The following TP53RK variants were observed in gnomAD, a reference collection of about 807,000 sequenced individuals.
The protein encoded by TP53RK is EKC/KEOPS complex subunit TP53RK.
Under a neutral mutation model 14.9 loss-of-function variants are expected in TP53RK, and 17 were observed. The observed-to-expected ratio is 1.14, with a 90% confidence interval of 0.78 to 1.71. TP53RK has a LOEUF of 1.71. TP53RK is among the 40% of genes most tolerant of loss of function. The pLI, the probability that TP53RK is intolerant of heterozygous loss-of-function variation, is 0.00. For missense variants in TP53RK, 343 were observed against 332.0 expected, an observed-to-expected ratio of 1.03 and a Z score of -0.26; for synonymous variants, 131 against 138.0, an observed-to-expected ratio of 0.95 and a Z score of 0.36.
chr20:46,686,947 A>C lies in TP53RK; in HGVS notation c.568T>G (p.Ser190Ala). 6.2e-7 allele frequency: 1 copy of C among 1,614,162 alleles called. No individual in the cohort carries two copies. Among genetic ancestry groups the C allele is most frequent in the South Asian group, 1.1e-5 (1 of 91,070 alleles). ...VLIDFGLSFISALPEDKGVDL... is the reference protein window; with the variant it reads ...VLIDFGLSFIAALPEDKGVDL... ...ACTCCCTTATCCTCTGGAAGTGCTG[A>C]AATGAAACTCAGCCCAAAGTCTATG... Residue 190 changes from serine to alanine, a missense_variant, in exon 2 of 2, where the codon TCA becomes GCA. By Grantham distance (99) the Ser-to-Ala change is moderately conservative. Coordinates refer to ENST00000372114, the MANE Select transcript of TP53RK (RefSeq NM_033550.4).
At chr20:46,687,812 A>G in intron 1 of TP53RK, among the ~76,000 whole-genome samples, 1 of 152,210 alleles carries the variant, frequency 6.6e-6, no homozygotes, top group Non-Finnish European at 1.5e-5. Flanking sequence ...AAACAAAAAC[A>G]AAGAGCAAGG....
intron 1 of TP53RK, 95 bp downstream of exon 1, chr20:46,689,037 G>A (rs193163921): frequency 0.023 from 28,467 of 1,258,424 alleles, 436 homozygotes; most frequent in Non-Finnish European, 0.026. Flanking sequence ...AGGAGAAACT[G>A]AGGGAAATCC....
At chr20:46,687,276 C>A (rs372359878) in intron 1 of TP53RK, 45 bp from the exon 2 acceptor site, 2 of 1,477,678 alleles carry the variant, frequency 1.4e-6, no homozygotes, top group South Asian at 1.3e-5. Flanking sequence ...TTTTTTTTAA[C>A]GGGTAAACTT....
chr20:46,684,536 C>T lies in TP53RK; in HGVS notation c.*2217G>A, dbSNP rs142969650. 6.6e-6 allele frequency: 1 copy of T among 152,166 alleles called. No homozygotes were observed. The highest frequency in any genetic ancestry group is 1.5e-5 in the Non-Finnish European group (1 of 68,036). The allele number at this position is 152,166 out of a possible 1,614,324, so 9.4% of individuals were successfully genotyped here. On this transcript the variant is annotated 3_prime_UTR_variant, in exon 2 of 2. Transcript: ENST00000372114. ...ATAAAACCATCAGATCTCGTGAGAA[C>T]TCACTCGCTATCACGAGAACAGCAC...
intron 1 of TP53RK, 88 bp from the exon 2 acceptor site, chr20:46,687,319 A>T: frequency 9.0e-7 from 1 of 1,107,082 alleles, no homozygotes; most frequent in East Asian, 2.4e-5. Context: ...TTTTCCATCT[A>T]TATCTACTTA....
In TP53RK at chr20:46,689,389, G is replaced by T; in HGVS notation, c.26C>A (p.Pro9Gln). 1 of 1,569,002 alleles carries T rather than the reference G, an allele frequency of 6.4e-7. No homozygotes were observed. The highest frequency in any genetic ancestry group is 8.6e-7 in the Non-Finnish European group (1 of 1,168,380). The change falls in exon 1 of 2, where the codon CCG becomes CAG. Residue 9 changes from proline (P) to glutamine (Q), a missense_variant. By Grantham distance (76) the Pro-to-Gln change is moderately conservative. Transcript: ENST00000372114. ...CGGGGCGGGCTCCTCGCCATCGGCCGGCGTAGTAGCTCTGGCCGCCGCCAT... is the reference window on the plus strand; with the variant it reads ...CGGGGCGGGCTCCTCGCCATCGGCCTGCGTAGTAGCTCTGGCCGCCGCCAT... Reference protein sequence around the residue: MAAARATTPADGEEPAPEA... With the variant: MAAARATTQADGEEPAPEA...
chr20:46,689,113 G>A lies in TP53RK; in HGVS notation c.283+19C>T, dbSNP rs1322176168. On this transcript the variant is annotated intron_variant, in intron 1 of 1. Transcript: ENST00000372114. ...CAGAGCCTCGGGGCCGCCCACGCCG[G>A]GATCCCGGCCCACCTTACCAGCGCG... 6 of 1,364,828 alleles carry A rather than the reference G, an allele frequency of 4.4e-6. No individual in the cohort carries two copies. Among genetic ancestry groups the A allele is most frequent in the Non-Finnish European group, 5.6e-6 (6 of 1,065,352 alleles). The allele number at this position is 1,364,828 out of a possible 1,614,324, so 84.5% of individuals were successfully genotyped here. A position where few individuals can be genotyped will look rare whatever the true frequency, so the allele number is the denominator to read the frequency against.
rs1183115184 is a variant in TP53RK at position 46,684,585 on chromosome 20, A to C, written c.*2168T>G. Reference sequence around the variant, plus strand: ...ACGGAGGTAGCCGCCCCGAGGATTAAATTACCTCCCACTGGGTCCCTCCCA... The same window carrying C: ...ACGGAGGTAGCCGCCCCGAGGATTACATTACCTCCCACTGGGTCCCTCCCA... On this transcript the variant is annotated 3_prime_UTR_variant, in exon 2 of 2. Coordinates refer to ENST00000372114, the MANE Select transcript of TP53RK (RefSeq NM_033550.4). 1 of 152,130 alleles carries C rather than the reference A, an allele frequency of 6.6e-6. No individual in the cohort carries two copies. Among genetic ancestry groups the C allele is most frequent in the Non-Finnish European group, 1.5e-5 (1 of 68,032 alleles). 9.4% of individuals were successfully genotyped at this position (152,130 alleles called of 1,614,324 possible).
intron 1 of TP53RK, among the ~76,000 whole-genome samples, chr20:46,687,465 C>T (rs538766145): frequency 3.2e-4 from 49 of 152,144 alleles, no homozygotes; most frequent in Non-Finnish European, 5.9e-4. Flanking sequence ...GCTTCCTCCT[C>T]CCTTCCAAAC....
At chr20:46,688,150 A>C (rs1443842191) in intron 1 of TP53RK, among the ~76,000 whole-genome samples, 1 of 152,242 alleles carries the variant, frequency 6.6e-6, no homozygotes, top group Non-Finnish European at 1.5e-5. Context: ...TCTCTGCTTA[A>C]CGAAACAGAT....
intron 1 of TP53RK, among the ~76,000 whole-genome samples, chr20:46,688,465 T>C (rs935387226): frequency 6.6e-6 from 1 of 152,264 alleles, no homozygotes; most frequent in East Asian, 1.9e-4. Flanking sequence ...CTTTCTCATC[T>C]GAGGACAAAG....
rs2063177185 is a variant in TP53RK, at chr20:46,685,614, C to A, written c.*1139G>T. 1 of 152,162 alleles carries A rather than the reference C, an allele frequency of 6.6e-6. No homozygotes were observed. The highest frequency in any genetic ancestry group is 1.5e-5 in the Non-Finnish European group (1 of 68,028). The allele number at this position is 152,162 out of a possible 1,614,324, so 9.4% of individuals were successfully genotyped here. On this transcript the variant is annotated 3_prime_UTR_variant, in exon 2 of 2. Transcript: ENST00000372114. ...AAAACATCCCACTGTATACTTTATA[C>A]TTTTTTATAAAAATAAATATTCTTA... is the stretch of plus-strand genomic sequence containing the variant.
Position 46,687,168 on chromosome 20 carries a change from A to G in TP53RK, c.347T>C (p.Ile116Thr). The change falls in exon 2 of 2, where the codon ATT (isoleucine) becomes ACT (threonine). Residue 116 changes from isoleucine (I) to threonine (T), a missense_variant. By Grantham distance (89) the Ile-to-Thr change is moderately conservative. Coordinates refer to ENST00000372114, the MANE Select transcript of TP53RK (RefSeq NM_033550.4). ...ATCTCGAACAGTCACTGAGCCTTCA[A>G]TTTCTTCCATATATAAGCAGTTGGA... ...YASNCLYMEE[I>T]EGSVTVRDYI... The G allele has an allele frequency of 1.2e-6, 2 of 1,613,724 alleles. No homozygotes were observed. Among genetic ancestry groups the G allele is most frequent in the Non-Finnish European group, 1.7e-6 (2 of 1,179,778 alleles).
Position 46,689,386 on chromosome 20 carries a change from G to A in TP53RK, c.29C>T (p.Ala10Val), listed in dbSNP as rs775626954. Residue 10 changes from alanine to valine, a missense_variant, in exon 1 of 2, where the codon GCC becomes GTC. Transcript: ENST00000372114. Reference sequence around the variant, plus strand: ...CTCCGGGGCGGGCTCCTCGCCATCGGCCGGCGTAGTAGCTCTGGCCGCCGC... The same window carrying A: ...CTCCGGGGCGGGCTCCTCGCCATCGACCGGCGTAGTAGCTCTGGCCGCCGC... MAAARATTP[A>V]DGEEPAPEAE... The A allele has an allele frequency of 1.3e-6, 2 of 1,570,508 alleles. No individual in the cohort carries two copies. Among genetic ancestry groups the A allele is most frequent in the Non-Finnish European group, 1.7e-6 (2 of 1,168,984 alleles).
At position 46,687,010 on chromosome 20, in the gene TP53RK, G is replaced by A. The variant is rs138867729; in HGVS notation, c.505C>T (p.Leu169Phe). The change falls in exon 2 of 2, where the codon CTC (leucine) becomes TTC (phenylalanine). Residue 169 changes from leucine to phenylalanine, a missense_variant. Transcript: ENST00000372114. ...IHGDLTTSNM[L>F]LKPPLEQLNI... Reference sequence around the variant, plus strand: ...AGCTGTTCCAGGGGGGGTTTCAGGAGCATGTTGGAGGTGGTGAGATCACCA... The same window carrying A: ...AGCTGTTCCAGGGGGGGTTTCAGGAACATGTTGGAGGTGGTGAGATCACCA... 60 of 1,614,074 alleles carry A rather than the reference G, an allele frequency of 3.7e-5. No individual in the cohort carries two copies. The highest frequency in any genetic ancestry group is 4.9e-5 in the Non-Finnish European group (58 of 1,180,046).
At position 46,689,393 on chromosome 20, in the gene TP53RK, T is replaced by C. The variant is rs762765592; in HGVS notation, c.22A>G (p.Thr8Ala). Residue 8 changes from threonine (T) to alanine (A), a missense_variant, in exon 1 of 2, where the codon ACG (threonine) becomes GCG (alanine). Transcript: ENST00000372114. Reference sequence around the variant, plus strand: ...GCGGGCTCCTCGCCATCGGCCGGCGTAGTAGCTCTGGCCGCCGCCATGACT... The same window carrying C: ...GCGGGCTCCTCGCCATCGGCCGGCGCAGTAGCTCTGGCCGCCGCCATGACT... MAAARAT[T>A]PADGEEPAPE... The C allele has an allele frequency of 2.6e-6, 4 of 1,563,726 alleles. No homozygotes were observed. Among genetic ancestry groups the C allele is most frequent in the East Asian group, 2.4e-5 (1 of 42,524 alleles).
At position 46,686,663 on chromosome 20, in the gene TP53RK, T is replaced by C; in HGVS notation, c.*90A>G. ...ACCACTTAAAAATATCTTAACACCT[T>C]TACTTAGATCTCATCTCATACTTGT... is the stretch of plus-strand genomic sequence containing the variant. On this transcript the variant is annotated 3_prime_UTR_variant, in exon 2 of 2. Transcript: ENST00000372114. 2 of 1,079,882 alleles carry C rather than the reference T, an allele frequency of 1.9e-6. No homozygotes were observed. Among genetic ancestry groups the C allele is most frequent in the Non-Finnish European group, 2.7e-6 (2 of 731,082 alleles). 66.9% of individuals were successfully genotyped at this position (1,079,882 alleles called of 1,614,324 possible).
chr20:46,686,634 A>G lies in TP53RK; in HGVS notation c.*119T>C. On this transcript the variant is annotated 3_prime_UTR_variant, in exon 2 of 2. Transcript: ENST00000372114. ...AAGTGCAGATGATAATGACACGATC[A>G]CATACCACTTAAAAATATCTTAACA... 1.2e-6 allele frequency: 1 copy of G among 856,342 alleles called. No individual in the cohort carries two copies. Among genetic ancestry groups the G allele is most frequent in the Non-Finnish European group, 1.9e-6 (1 of 538,186 alleles). 53.0% of individuals were successfully genotyped at this position (856,342 alleles called of 1,614,324 possible).
chr20:46,686,659 A>G lies in TP53RK; in HGVS notation c.*94T>C. The G allele has an allele frequency of 9.7e-7, 1 of 1,032,476 alleles. No individual in the cohort carries two copies. Among genetic ancestry groups the G allele is most frequent in the Non-Finnish European group, 1.4e-6 (1 of 691,130 alleles). The allele number at this position is 1,032,476 out of a possible 1,614,324, so 64.0% of individuals were successfully genotyped here. On this transcript the variant is annotated 3_prime_UTR_variant, in exon 2 of 2. Coordinates refer to ENST00000372114, the MANE Select transcript of TP53RK (RefSeq NM_033550.4). ...ACATACCACTTAAAAATATCTTAACACCTTTACTTAGATCTCATCTCATAC... is the reference window on the plus strand; with the variant it reads ...ACATACCACTTAAAAATATCTTAACGCCTTTACTTAGATCTCATCTCATAC...
Sources: gnomAD v4.1 joint callset for allele counts (sites outside exome capture counted in the v4.1 genomes callset) on GRCh38, gnomAD v4.1.1 for gene constraint, MANE v1.5 for transcripts, NCBI Gene and HGNC (gene_info 2026-07-23, HGNC 2026-07-21) for gene names.